Variants in PDGFC observed in about 807,000 individuals in gnomAD.
PDGFC encodes platelet-derived growth factor C.
A neutral mutation model predicts 35.5 loss-of-function variants in PDGFC; 12 were observed. The observed-to-expected ratio is 0.34, with a 90% CI of 0.22 to 0.55. The LOEUF (loss-of-function observed/expected upper bound fraction) is 0.55, where lower values mean the gene tolerates loss of function less well. PDGFC is among the 20% of genes least tolerant of loss of function. PDGFC has a pLI of 0.91. For missense variants in PDGFC, 322 were observed against 412.4 expected, an observed-to-expected ratio of 0.78 and a Z score of 1.90; for synonymous variants, 159 against 148.8, an observed-to-expected ratio of 1.07 and a Z score of -0.50.
At chr4:156,891,715 T>G (rs1447510021) in intron 1 of PDGFC, among the ~76,000 whole-genome samples, 1 of 117,802 alleles carries the variant, frequency 8.5e-6, no homozygotes, top group Non-Finnish European at 1.8e-5. Context: ...TAAGTACAGA[T>G]TCAGCTGAAC....
At chr4:156,942,224 G>A (rs1240223230) in intron 1 of PDGFC, among the ~76,000 whole-genome samples, 1 of 152,022 alleles carries the variant, frequency 6.6e-6, no homozygotes, top group Admixed American at 6.6e-5. Context: ...GCTCACAGGC[G>A]CTCCAGAAGG....
In PDGFC at chr4:156,971,017, G is replaced by C; in HGVS notation, c.-114C>G. 1.5e-6 allele frequency: 1 copy of C among 672,848 alleles called. No individual in the cohort carries two copies. Among genetic ancestry groups the C allele is most frequent in the Non-Finnish European group, 2.6e-6 (1 of 378,014 alleles). 41.7% of individuals were successfully genotyped at this position (672,848 alleles called of 1,614,324 possible). On this transcript the variant is annotated 5_prime_UTR_variant, in exon 1 of 6. Transcript: ENST00000502773. Reference sequence around the variant, plus strand: ...GCACTGGGGTGGAAGCGCCGAGCCTGCTCTGGCAGCAGAGAATCGCAGGGT... The same window carrying C: ...GCACTGGGGTGGAAGCGCCGAGCCTCCTCTGGCAGCAGAGAATCGCAGGGT...
At chr4:156,863,992 CTTG>C (rs1381791169) in intron 1 of PDGFC, among the ~76,000 whole-genome samples, 2 of 151,710 alleles carry the variant, frequency 1.3e-5, no homozygotes, top group Non-Finnish European at 2.9e-5. Context: ...CTGTTTGTTT[CTTG>C]TTTTTTTTGT....
At chr4:156,781,591 T>A (rs139590122) in intron 3 of PDGFC, among the ~76,000 whole-genome samples, 1 of 152,190 alleles carries the variant, frequency 6.6e-6, no homozygotes, top group East Asian at 1.9e-4. Context: ...CTGCCATTCA[T>A]CCCTCCCAGG....
At chr4:156,877,968 G>A (rs1417701022) in intron 1 of PDGFC, among the ~76,000 whole-genome samples, 1 of 152,010 alleles carries the variant, frequency 6.6e-6, no homozygotes, top group Non-Finnish European at 1.5e-5. Context: ...GTCTCTCATA[G>A]CACATATAAT....
chr4:156,876,563 T>A (rs1020088803), intron 1 of PDGFC: 2 of 152,202 alleles, frequency 1.3e-5, no homozygotes, highest in African/African-American at 4.8e-5. Context: ...AGGGTTTATA[T>A]ATCGCATGAA....
chr4:156,935,243 G>A (rs190951259), intron 1 of PDGFC, among the ~76,000 whole-genome samples: 31 of 152,176 alleles, frequency 2.0e-4, no homozygotes, highest in Admixed American at 8.5e-4. Context: ...TGACCTGCCC[G>A]CCTTGGCCTC....
intron 3 of PDGFC, among the ~76,000 whole-genome samples, chr4:156,801,627 C>T (rs1449147445): frequency 1.3e-5 from 2 of 152,160 alleles, no homozygotes; most frequent in Non-Finnish European, 2.9e-5. Flanking sequence ...CCTTAATATA[C>T]TTCTGCAGTG....
At chr4:156,808,613 A>G (rs959750180) in intron 3 of PDGFC, among the ~76,000 whole-genome samples, 2 of 151,916 alleles carry the variant, frequency 1.3e-5, no homozygotes, top group African/African-American at 4.8e-5. Flanking sequence ...TACACAGATA[A>G]GATTGATGGA....
intron 1 of PDGFC, among the ~76,000 whole-genome samples, chr4:156,880,883 T>C (rs759291190): frequency 3.9e-5 from 6 of 152,178 alleles, no homozygotes; most frequent in Non-Finnish European, 7.3e-5. Context: ...GCAAAGAAAG[T>C]GATTTCTGGA....
At chr4:156,786,245 A>G (rs1731123271) in intron 3 of PDGFC, among the ~76,000 whole-genome samples, 1 of 152,232 alleles carries the variant, frequency 6.6e-6, no homozygotes, top group African/African-American at 2.4e-5. Context: ...GCCTTTATGT[A>G]ATACATATTC....
At chr4:156,825,888 G>A (rs77703988) in intron 2 of PDGFC, among the ~76,000 whole-genome samples, 9,349 of 135,074 alleles carry the variant, frequency 0.069, 388 homozygotes, top group Middle Eastern at 0.13. Flanking sequence ...TTTTTTTCTT[G>A]AAGACAGTCT....
At chr4:156,963,516 CAA>C (rs569630664) in intron 1 of PDGFC, among the ~76,000 whole-genome samples, 1 of 145,574 alleles carries the variant, frequency 6.9e-6, no homozygotes. Context: ...AAGCTAAGTA[CAA>C]AAAAAAAATC....
chr4:156,914,917 C>A lies in PDGFC; in HGVS notation c.118+55869G>T, dbSNP rs188360981. 3.0e-3 allele frequency among the ~76,000 whole-genome samples: 454 copies of A among 152,200 alleles called. 1 individual carries two copies. Among genetic ancestry groups the A allele is most frequent in the Non-Finnish European group, 5.3e-3 (359 of 68,016 alleles). On this transcript the variant is annotated intron_variant, in intron 1 of 5. Coordinates refer to ENST00000502773, the MANE Select transcript of PDGFC (RefSeq NM_016205.3). ...CCCAGGATTGGATAAAATTGACTAA[C>A]AAACTTCCCTTCTGTTTATTTCTAG...
chr4:156,932,360 T>C (rs1018927926), intron 1 of PDGFC, among the ~76,000 whole-genome samples: 1 of 152,074 alleles, frequency 6.6e-6, no homozygotes, highest in Admixed American at 6.5e-5. Context: ...CATGGAGAAC[T>C]AGAAATACCA....
At chr4:156,864,984 C>A (rs1386232392) in intron 1 of PDGFC, among the ~76,000 whole-genome samples, 2 of 152,036 alleles carry the variant, frequency 1.3e-5, no homozygotes, top group East Asian at 1.9e-4. Flanking sequence ...AATTATATAT[C>A]TGTACAATCT....
At chr4:156,863,674 C>T (rs1276160720) in intron 1 of PDGFC, among the ~76,000 whole-genome samples, 1 of 152,134 alleles carries the variant, frequency 6.6e-6, no homozygotes, top group African/African-American at 2.4e-5. Context: ...TCTGGCTTCA[C>T]TCCACTGCTT....
chr4:156,820,512 T>C (rs1732221497), intron 2 of PDGFC, among the ~76,000 whole-genome samples: 2 of 152,232 alleles, frequency 1.3e-5, no homozygotes, highest in Admixed American at 6.5e-5. Flanking sequence ...CTTAATAGAC[T>C]ACAGTATTGT....
At chr4:156,909,926 A>G (rs1237371809) in intron 1 of PDGFC, among the ~76,000 whole-genome samples, 3 of 152,170 alleles carry the variant, frequency 2.0e-5, no homozygotes, top group Admixed American at 2.0e-4. Flanking sequence ...AAATTTGACA[A>G]CAGAGCCACA....
Sources: gnomAD v4.1 joint callset for allele counts (sites outside exome capture counted in the v4.1 genomes callset) on GRCh38, gnomAD v4.1.1 for gene constraint, MANE v1.5 for transcripts, NCBI Gene and HGNC (gene_info 2026-07-23, HGNC 2026-07-21) for gene names.